Variants in PCDH15 observed in about 807,000 individuals in gnomAD.
PCDH15 encodes the protein protocadherin related 15, also known as protocadherin-15.
In PCDH15, 129 loss-of-function variants were observed where a neutral mutation model predicts 178.5. The observed-to-expected ratio is 0.72, with a 90% confidence interval of 0.63 to 0.84. PCDH15 has a LOEUF of 0.84. PCDH15 is among the 40% of genes least tolerant of loss of function. The pLI, the probability that PCDH15 is intolerant of heterozygous loss-of-function variation, is 0.00. For synonymous variants in PCDH15, 800 were observed against 732.0 expected, an observed-to-expected ratio of 1.09 and a Z score of -1.50; for missense variants, 2,230 against 2,099.9, an observed-to-expected ratio of 1.06 and a Z score of -1.21.
rs548084689 is a variant in PCDH15, at chr10:54,165,947, C to T, written c.1591-12654G>A. ...GAGAAACCTATCTTTAAATGAAATG[C>T]TGTTACAGAAACATAAAAATACTTT... On this transcript the variant is annotated intron_variant, in intron 13 of 37. Coordinates refer to ENST00000644397, the MANE Select transcript of PCDH15 (RefSeq NM_001384140.1). 4.0e-5 allele frequency among the ~76,000 whole-genome samples: 6 copies of T among 150,748 alleles called. No homozygotes were observed. The East Asian group carries it at 1.2e-3, about 29-fold the overall frequency.
At chr10:54,358,101 G>A (rs9416321) in intron 5 of PCDH15, among the ~76,000 whole-genome samples, 29,321 of 141,528 alleles carry the variant, frequency 0.21, 3,975 homozygotes, top group African/African-American at 0.37. Flanking sequence ...GGACATAGGC[G>A]TGGGCAAGGA....
intron 1 of PCDH15, among the ~76,000 whole-genome samples, chr10:55,200,866 G>A (rs757160738): frequency 7.9e-5 from 12 of 151,954 alleles, no homozygotes; most frequent in African/African-American, 1.2e-4. Context: ...TTCCCCTTCT[G>A]CCATGATTAT....
At chr10:54,512,359 T>TTTTGTGTGTG (rs374994766) in intron 3 of PCDH15, among the ~76,000 whole-genome samples, 1 of 134,088 alleles carries the variant, frequency 7.5e-6, no homozygotes, top group Non-Finnish European at 1.6e-5. Context: ...ATTTCTGGCA[T>TTTTGTGTGTG]TGTGTGTGTG....
chr10:54,048,616 G>A (rs933594890), intron 18 of PCDH15, among the ~76,000 whole-genome samples: 62 of 152,184 alleles, frequency 4.1e-4, no homozygotes, highest in African/African-American at 1.3e-3. Context: ...TTTTGCATAT[G>A]GATAGCCAGT....
intron 1 of PCDH15, among the ~76,000 whole-genome samples, chr10:54,747,676 G>T (rs995746064): frequency 2.0e-5 from 3 of 152,030 alleles, no homozygotes; most frequent in Admixed American, 2.0e-4. Flanking sequence ...TATTCTGGTC[G>T]ATGTAACTTT....
intron 2 of PCDH15, among the ~76,000 whole-genome samples, chr10:54,979,429 G>A (rs1219532): frequency 0.23 from 34,336 of 151,828 alleles, 4,114 homozygotes; most frequent in African/African-American, 0.28. Flanking sequence ...AGCACTTTGG[G>A]AGCCCAAGGT....
At chr10:54,148,038 A>G (rs73243526) in intron 14 of PCDH15, among the ~76,000 whole-genome samples, 2,345 of 152,130 alleles carry the variant, frequency 0.015, 75 homozygotes, top group African/African-American at 0.054. Flanking sequence ...TAGAAATTAT[A>G]TATATAAAGG....
chr10:54,381,510 A>T (rs1357529168), intron 3 of PCDH15, among the ~76,000 whole-genome samples: 1 of 152,072 alleles, frequency 6.6e-6, no homozygotes, highest in Non-Finnish European at 1.5e-5. Flanking sequence ...GTTTCATTTG[A>T]TGTTTAAATG....
chr10:54,096,059 T>C (rs973077077), intron 15 of PCDH15, among the ~76,000 whole-genome samples: 1 of 152,140 alleles, frequency 6.6e-6, no homozygotes, highest in Non-Finnish European at 1.5e-5. Flanking sequence ...ATCCCTATTT[T>C]ACACATAATA....
intron 3 of PCDH15, among the ~76,000 whole-genome samples, chr10:54,419,017 C>A (rs2135775340): frequency 1.3e-5 from 2 of 151,812 alleles, no homozygotes; most frequent in African/African-American, 2.4e-5. Flanking sequence ...TCTGTAAGTA[C>A]ATCAATAAAA....
In PCDH15 at chr10:54,325,834, C is replaced by T. The variant is rs11004237; in HGVS notation, c.705+3762G>A. The stretch of plus-strand genomic sequence containing the variant: ...TGAGGCATGAGAATCACTTAAACCC[C>T]GTAGGCGGAGGTTGCAGTGAGCTGA... On this transcript the variant is annotated intron_variant, in intron 7 of 37. Transcript: ENST00000644397. Among the ~76,000 whole-genome samples, 1,086 of 151,976 alleles carry T rather than the reference C, an allele frequency of 7.1e-3. 12 individuals are homozygous for T. Among genetic ancestry groups the T allele is most frequent in the African/African-American group, 0.02 (838 of 41,474 alleles).
At chr10:55,388,736 C>T (rs1837723020) in intron 2 of PCDH15, among the ~76,000 whole-genome samples, 1 of 151,916 alleles carries the variant, frequency 6.6e-6, no homozygotes, top group Non-Finnish European at 1.5e-5. Flanking sequence ...ATAAAAAATC[C>T]ACATATACTG....
chr10:55,464,204 T>A (rs1163470642), intron 2 of PCDH15, among the ~76,000 whole-genome samples: 1 of 152,102 alleles, frequency 6.6e-6, no homozygotes, highest in Non-Finnish European at 1.5e-5. Flanking sequence ...CTAAGTGTAC[T>A]AGGGACATAA....
At chr10:53,831,270 T>G in intron 30 of PCDH15, 45 bp downstream of exon 30, 1 of 1,570,488 alleles carries the variant, frequency 6.4e-7, no homozygotes, top group Non-Finnish European at 8.8e-7. Context: ...TTTTCTGCAA[T>G]GACTTCTGAG....
At chr10:54,967,091 AT>A (rs371699130) in intron 2 of PCDH15, among the ~76,000 whole-genome samples, 85 of 152,248 alleles carry the variant, frequency 5.6e-4, no homozygotes, top group African/African-American at 1.8e-3. Flanking sequence ...GGACATCACT[AT>A]TACTCAGCTT....
rs1241390119 is a variant in PCDH15 at position 54,880,217 on chromosome 10, T to TAAAGTCGCTA, written c.-29+17223_-29+17232dup. 2.6e-5 allele frequency among the ~76,000 whole-genome samples: 4 copies of TAAAGTCGCTA among 152,252 alleles called. No homozygotes were observed. The East Asian group carries it at 7.7e-4, about 29-fold the overall frequency. On this transcript the variant is annotated intron_variant, in intron 3 of 5. Transcript: ENST00000458638. Reference sequence around the variant, plus strand: ...CCTTGGCTTCCTTAAGTCTCAGAGTTAAAGTCGCTAACTTGCTAATCAAAA... The same window carrying TAAAGTCGCTA: ...CCTTGGCTTCCTTAAGTCTCAGAGTTAAAGTCGCTAAAAGTCGCTAACTTGCTAATCAAAA...
intron 3 of PCDH15, among the ~76,000 whole-genome samples, chr10:54,489,583 C>A (rs2079396725): frequency 6.6e-6 from 1 of 151,698 alleles, no homozygotes; most frequent in Non-Finnish European, 1.5e-5. Context: ...AGTGTAGAGT[C>A]TCTGAAATAC....
At chr10:54,238,501 A>T (rs957866074) in intron 8 of PCDH15, among the ~76,000 whole-genome samples, 1 of 152,034 alleles carries the variant, frequency 6.6e-6, no homozygotes, top group Non-Finnish European at 1.5e-5. Context: ...GAAAATAAAG[A>T]GTTGTTGGTA....
At chr10:54,421,862 T>TACAC (rs1565231357) in intron 3 of PCDH15, among the ~76,000 whole-genome samples, 1 of 113,976 alleles carries the variant, frequency 8.8e-6, no homozygotes, top group African/African-American at 3.8e-5. Context: ...TATATATATA[T>TACAC]ACACACACTA....
Sources: allele counts gnomAD v4.1 joint callset (sites outside exome capture counted in the v4.1 genomes callset), GRCh38; gene constraint gnomAD v4.1.1; transcripts MANE v1.5; gene names NCBI Gene and HGNC (gene_info 2026-07-23, HGNC 2026-07-21).